Variants in ZNF276 observed in about 807,000 individuals in gnomAD.
ZNF276 encodes the protein zinc finger protein 276, also known as centromere protein Z.
In ZNF276, 59 loss-of-function variants were observed where a neutral mutation model predicts 63.9. The ratio of observed to expected loss-of-function variants is 0.92; its 90% CI spans 0.75 to 1.15. The LOEUF is 1.15. Ranked by LOEUF, ZNF276 falls within the 50% of genes most tolerant of loss-of-function variation. The pLI, the probability that ZNF276 is intolerant of heterozygous loss-of-function variation, is 0.00. For synonymous variants in ZNF276, 496 were observed against 348.4 expected (o/e 1.42, Z -4.72); for missense variants, 1,084 against 843.8 (o/e 1.28, Z -3.53).
Position 89,739,866 on chromosome 16 carries a change from C to A in ZNF276, c.*1620C>A. 6.5e-7 allele frequency: 1 copy of A among 1,541,876 alleles called. No homozygotes were observed. The highest frequency in any genetic ancestry group is 2.0e-5 in the Admixed American group (1 of 50,056). On this transcript the variant is annotated 3_prime_UTR_variant, in exon 11 of 11. Coordinates refer to ENST00000443381, the MANE Select transcript of ZNF276 (RefSeq NM_001113525.2). ...TAAACAAGTTTGTGCTTAATCTGTC[C>A]CAACTAAAATGGAGCTTATAAACTT...
chr16:89,736,151 G>A (rs563314167), intron 9 of ZNF276, among the ~76,000 whole-genome samples: 7 of 152,152 alleles, frequency 4.6e-5, no homozygotes, highest in Admixed American at 3.9e-4. Flanking sequence ...TCGGCCTCCC[G>A]AAGTGCTGGG....
At chr16:89,728,492 C>T (rs921442394) in intron 5 of ZNF276, among the ~76,000 whole-genome samples, 1 of 152,204 alleles carries the variant, frequency 6.6e-6, no homozygotes, top group African/African-American at 2.4e-5. Context: ...CAAGCTCTGC[C>T]TCCCGGGTTC....
rs2062098120 is a variant in ZNF276 at position 89,740,343 on chromosome 16, A to G, written c.*2097A>G. The G allele has an allele frequency of 1.8e-6, 1 of 550,160 alleles. No homozygotes were observed. The highest frequency in any genetic ancestry group is 3.3e-6 in the Non-Finnish European group (1 of 306,572). 34.1% of individuals were successfully genotyped at this position (550,160 alleles called of 1,614,324 possible). On this transcript the variant is annotated 3_prime_UTR_variant, in exon 11 of 11. Coordinates refer to ENST00000443381, the MANE Select transcript of ZNF276 (RefSeq NM_001113525.2). ...CACCACGTCCTCAAATAAGACATTAAAAGAAAGGCCCACAGGCCGGATGCA... is the reference window on the plus strand; with the variant it reads ...CACCACGTCCTCAAATAAGACATTAGAAGAAAGGCCCACAGGCCGGATGCA...
At position 89,739,324 on chromosome 16, in the gene ZNF276, A is replaced by T; in HGVS notation, c.*1078A>T. ...AAGACATAGTGACAAATGGCTACAGACTGCTGGAAAGGTAGCAGGTGATGC... is the reference window on the plus strand; with the variant it reads ...AAGACATAGTGACAAATGGCTACAGTCTGCTGGAAAGGTAGCAGGTGATGC... On this transcript the variant is annotated 3_prime_UTR_variant, in exon 11 of 11. Coordinates refer to ENST00000443381, the MANE Select transcript of ZNF276 (RefSeq NM_001113525.2). The T allele has an allele frequency of 6.2e-7, 1 of 1,613,362 alleles. No homozygotes were observed. The highest frequency in any genetic ancestry group is 8.5e-7 in the Non-Finnish European group (1 of 1,179,464).
At chr16:89,736,429 A>G (rs1049373642) in intron 9 of ZNF276, among the ~76,000 whole-genome samples, 2 of 151,114 alleles carry the variant, frequency 1.3e-5, no homozygotes. Flanking sequence ...GGTTCATGCA[A>G]TTCTGCTGCC....
chr16:89,731,872 T>C (rs1223479798), intron 6 of ZNF276: 6 of 152,282 alleles, frequency 3.9e-5, no homozygotes, highest in African/African-American at 1.4e-4. Flanking sequence ...TTTAGGGTTT[T>C]CTACGTAGAA....
upstream of ZNF276, chr16:89,720,940 G>C (rs1199366485): frequency 2.5e-6 from 3 of 1,209,604 alleles, no homozygotes; most frequent in African/African-American, 4.8e-5. Context: ...GCCGGCGCTG[G>C]TGCTGGAGCC....
chr16:89,739,445 C>A lies in ZNF276; in HGVS notation c.*1199C>A, dbSNP rs769830774. The A allele has an allele frequency of 2.6e-6, 4 of 1,552,972 alleles. 1 individual carries two copies. The East Asian group carries it at 9.7e-5, about 38-fold the overall frequency. On this transcript the variant is annotated 3_prime_UTR_variant, in exon 11 of 11. Transcript: ENST00000443381. Reference sequence around the variant, plus strand: ...TGAGATGGGGGTCTGGGAAACACTGCCCAGCCCTGACCAGCCCTGTGGGTG... The same window carrying A: ...TGAGATGGGGGTCTGGGAAACACTGACCAGCCCTGACCAGCCCTGTGGGTG...
At chr16:89,729,204 G>A in intron 5 of ZNF276, 31 bp from the exon 6 acceptor site, 2 of 1,605,294 alleles carry the variant, frequency 1.2e-6, no homozygotes, top group East Asian at 2.2e-5. Flanking sequence ...CAGGCCCAGG[G>A]CTTTGCTGAA....
chr16:89,739,537 C>G lies in ZNF276; in HGVS notation c.*1291C>G, dbSNP rs1439529670. ...GATCCGGGGCCACACGGAGGAGGAG[C>G]CGCCCCAGCCTGAGGTCTGCAACAC... On this transcript the variant is annotated 3_prime_UTR_variant, in exon 11 of 11. Transcript: ENST00000443381. 4 of 1,551,186 alleles carry G rather than the reference C, an allele frequency of 2.6e-6. No individual in the cohort carries two copies. Among genetic ancestry groups the G allele is most frequent in the Non-Finnish European group, 3.5e-6 (4 of 1,147,044 alleles).
At chr16:89,724,727 G>A (rs1192606359) in intron 4 of ZNF276, among the ~76,000 whole-genome samples, 1 of 152,196 alleles carries the variant, frequency 6.6e-6, no homozygotes, top group Non-Finnish European at 1.5e-5. Context: ...GCCTCAGGTA[G>A]GAACGGGATT....
rs2062029843 is a variant in ZNF276 at position 89,738,652 on chromosome 16, T to C, written c.*406T>C. The stretch of plus-strand genomic sequence containing the variant: ...GGTCAGCGTCAGGGGCAGCCTGCTG[T>C]CTGCTCTGGAGGGCGGCGCTCACCT... On this transcript the variant is annotated 3_prime_UTR_variant, in exon 11 of 11. Transcript: ENST00000443381. 1.9e-6 allele frequency: 3 copies of C among 1,613,468 alleles called. 1 individual carries two copies. In the South Asian group the frequency reaches 3.3e-5, roughly 18 times the overall value.
Position 89,740,686 on chromosome 16 carries a change from C to T in ZNF276, c.*2440C>T, listed in dbSNP as rs528172368. On this transcript the variant is annotated 3_prime_UTR_variant, in exon 11 of 11. Transcript: ENST00000443381. ...GCCTGGGAGTTCTCACTCACACTTC[C>T]GCAAACACAAGGAGCTCCTGAGCTA... 4.7e-5 allele frequency: 38 copies of T among 808,044 alleles called. 1 individual carries two copies. The highest frequency in any genetic ancestry group is 2.4e-4 in the Middle Eastern group (1 of 4,126). 50.1% of individuals were successfully genotyped at this position (808,044 alleles called of 1,614,324 possible).
At position 89,728,515 on chromosome 16, in the gene ZNF276, G is replaced by A. The variant is rs968017953; in HGVS notation, c.1086-720G>A. On this transcript the variant is annotated intron_variant, in intron 5 of 10. Transcript: ENST00000443381. ...GCCTCCCGGGTTCACGCCATTCTCC[G>A]GCCTCAGCCTCTGAGTCGCTGGGAC... Among the ~76,000 whole-genome samples, 8 of 152,206 alleles carry A rather than the reference G, an allele frequency of 5.3e-5. No homozygotes were observed. The South Asian group carries it at 8.3e-4, about 16-fold the overall frequency.
At chr16:89,721,883 G>C (rs979229888) in intron 1 of ZNF276, 38 bp downstream of exon 1, 11 of 1,182,404 alleles carry the variant, frequency 9.3e-6, no homozygotes, top group Admixed American at 4.5e-5. Flanking sequence ...TTGGGGTCGC[G>C]GCAGGGGTTG....
intron 8 of ZNF276, 66 bp from the exon 9 acceptor site, chr16:89,733,855 A>G: frequency 1.4e-6 from 2 of 1,476,444 alleles, no homozygotes; most frequent in Non-Finnish European, 1.9e-6. Flanking sequence ...GCTGTCACCT[A>G]CTGAGGGCTC....
rs1380144091 is a variant in ZNF276, at chr16:89,739,972, G to A, written c.*1726G>A. 3.1e-6 allele frequency: 5 copies of A among 1,612,840 alleles called. No homozygotes were observed. Among genetic ancestry groups the A allele is most frequent in the African/African-American group, 1.3e-5 (1 of 74,914 alleles). ...GAAAAGAGCGGCCCTCCGCATTTGTGCCTCAGCAGCGTGTTTCTTACCACT... is the reference window on the plus strand; with the variant it reads ...GAAAAGAGCGGCCCTCCGCATTTGTACCTCAGCAGCGTGTTTCTTACCACT... On this transcript the variant is annotated 3_prime_UTR_variant, in exon 11 of 11. Transcript: ENST00000443381.
chr16:89,721,932 C>T, intron 1 of ZNF276, 87 bp downstream of exon 1: 7 of 951,806 alleles, frequency 7.4e-6, no homozygotes, highest in Non-Finnish European at 9.4e-6. Context: ...GAAGCCGGCG[C>T]GGCCTCTCCT....
At chr16:89,737,507 C>T (rs535193484) in intron 9 of ZNF276, 177 of 398,574 alleles carry the variant, frequency 4.4e-4, no homozygotes, top group South Asian at 1.0e-3. Context: ...GGTAACAGAG[C>T]GAAACTCCAT....
Sources: allele counts gnomAD v4.1 joint callset (sites outside exome capture counted in the v4.1 genomes callset), GRCh38; gene constraint gnomAD v4.1.1; transcripts MANE v1.5; gene names NCBI Gene and HGNC (gene_info 2026-07-23, HGNC 2026-07-21).